The following TBX4 variants were observed in gnomAD, a reference collection of about 807,000 sequenced individuals.
The protein encoded by TBX4 is T-box transcription factor TBX4.
TBX4 carries 13 observed loss-of-function variants against 54.6 expected under a neutral mutation model. The ratio of observed to expected loss-of-function variants is 0.24; its 90% CI spans 0.15 to 0.38. The LOEUF is 0.38. Ranked by LOEUF, TBX4 falls within the 10% of genes least tolerant of loss-of-function variation. The probability of loss-of-function intolerance (pLI) is 1.00; values close to 1 mark genes in which losing one functional copy is unlikely to be tolerated. For missense variants in TBX4, 631 were observed against 728.5 expected (o/e 0.87, Z 1.54); for synonymous variants, 314 against 306.7 (o/e 1.02, Z -0.25).
chr17:61,453,915 T>C (rs1688981357), intron 1 of TBX4, among the ~76,000 whole-genome samples: 1 of 152,182 alleles, frequency 6.6e-6, no homozygotes, highest in South Asian at 2.1e-4. Context: ...CGTGACAAAG[T>C]ATAATCAAAA....
Position 61,461,340 on chromosome 17 carries a change from C to CT in TBX4, c.281+3711dup, listed in dbSNP as rs2060492883. ...TTATTATCTTCAAAATCAGAACTCA[C>CT]TTGGCTACAGAAGGCTTGGTCTCAG... is the stretch of plus-strand genomic sequence containing the variant. On this transcript the variant is annotated intron_variant, in intron 3 of 8. Transcript: ENST00000644296. This position sits in a 1 kb window ranked among gnomAD's most constrained non-coding sequence, Gnocchi z 5.1. Among the ~76,000 whole-genome samples the CT allele has an allele frequency of 6.6e-6, 1 of 152,190 alleles. No homozygotes were observed. Among genetic ancestry groups the CT allele is most frequent in the South Asian group, 2.1e-4 (1 of 4,824 alleles).
At chr17:61,455,898 A>G (rs1412141513) in intron 1 of TBX4, among the ~76,000 whole-genome samples, 1 of 152,088 alleles carries the variant, frequency 6.6e-6, no homozygotes, top group Non-Finnish European at 1.5e-5. Flanking sequence ...GTTGGAGTGA[A>G]AGCCTTTGGT....
rs1213822434 is a variant in TBX4 at position 61,474,839 on chromosome 17, C to T, written c.550-3788C>T. ...TCACTGAGTTGGTTTCACATTCTCC[C>T]GGCTGATGGGACTAAGGCTCAAGTT... On this transcript the variant is annotated intron_variant, in intron 5 of 8. Coordinates refer to ENST00000644296, the MANE Select transcript of TBX4 (RefSeq NM_001321120.2). This position sits in a 1 kb window ranked among gnomAD's most constrained non-coding sequence, Gnocchi z 4.6. 6.6e-6 allele frequency among the ~76,000 whole-genome samples: 1 copy of T among 152,210 alleles called. No homozygotes were observed. The highest frequency in any genetic ancestry group is 6.5e-5 in the Admixed American group (1 of 15,284).
Position 61,480,213 on chromosome 17 carries a change from C to G in TBX4, c.915C>G (p.His305Gln). 6.2e-7 allele frequency: 1 copy of G among 1,614,162 alleles called. No homozygotes were observed. Among genetic ancestry groups the G allele is most frequent in the Non-Finnish European group, 8.5e-7 (1 of 1,180,030 alleles). The stretch of plus-strand genomic sequence containing the variant: ...ACCAGGCACTCCAGCACTACCAGCA[C>G]GAGAACGGGGCACACTCACAGCTCG... ...GTHQALQHYQ[H>Q]ENGAHSQLAE... The change falls in exon 8 of 9, where the codon CAC becomes CAG. Residue 305 changes from histidine to glutamine, a missense_variant. Transcript: ENST00000644296. This position sits in a 1 kb window ranked among gnomAD's most constrained non-coding sequence, Gnocchi z 6.2.
chr17:61,452,744 G>T (rs958841909), intron 1 of TBX4, among the ~76,000 whole-genome samples, 167 bp downstream of exon 1: 2 of 152,240 alleles, frequency 1.3e-5, no homozygotes, highest in Non-Finnish European at 2.9e-5. Context: ...GGAAGGCGGC[G>T]CGAAGTGCCT....
chr17:61,470,448 G>A (rs2060568749), intron 5 of TBX4, among the ~76,000 whole-genome samples: 1 of 152,180 alleles, frequency 6.6e-6, no homozygotes, highest in African/African-American at 2.4e-5. Context: ...TGGCACATGG[G>A]GCCCTGGAAC....
At position 61,483,594 on chromosome 17, in the gene TBX4, A is replaced by G. The variant is rs2060682312; in HGVS notation, c.*78A>G. ...TGTGGGTGGCCTGCACTCTACCAAG[A>G]AACACAGGAAGGTATTCCAGTGTGT... On this transcript the variant is annotated 3_prime_UTR_variant, in exon 9 of 9. Transcript: ENST00000644296. The surrounding 1 kb of genome is among the most constrained non-coding windows in gnomAD (Gnocchi z 6.6). 1.9e-6 allele frequency: 3 copies of G among 1,563,964 alleles called. No homozygotes were observed. The South Asian group carries it at 3.4e-5, about 18-fold the overall frequency.
rs2143851566 is a variant in TBX4, at chr17:61,476,958, A to G, written c.550-1669A>G. Among the ~76,000 whole-genome samples the G allele has an allele frequency of 6.6e-6, 1 of 152,370 alleles. No homozygotes were observed. The highest frequency in any genetic ancestry group is 1.5e-5 in the Non-Finnish European group (1 of 68,038). Reference sequence around the variant, plus strand: ...GTCTTCCCAGACTAAGACTTTGGCCAAGGTTTGCCATAAAAGAGCCTGACT... The same window carrying G: ...GTCTTCCCAGACTAAGACTTTGGCCGAGGTTTGCCATAAAAGAGCCTGACT... On this transcript the variant is annotated intron_variant, in intron 5 of 8. Coordinates refer to ENST00000644296, the MANE Select transcript of TBX4 (RefSeq NM_001321120.2). This position sits in a 1 kb window ranked among gnomAD's most constrained non-coding sequence, Gnocchi z 6.5.
rs1267834989 is a variant in TBX4, at chr17:61,457,680, G to A, written c.281+49G>A. The A allele has an allele frequency of 1.3e-6, 2 of 1,572,236 alleles. No homozygotes were observed. Among genetic ancestry groups the A allele is most frequent in the South Asian group, 2.2e-5 (2 of 89,542 alleles). ...CGGGGATGGCGGTGGGGAGCAAGGG[G>A]GGCCAGGGAGGTCCCTTAGAAGTCC... On this transcript the variant is annotated intron_variant, in intron 3 of 8. Coordinates refer to ENST00000644296, the MANE Select transcript of TBX4 (RefSeq NM_001321120.2). The surrounding 1 kb of genome is among the most constrained non-coding windows in gnomAD (Gnocchi z 8.2).
chr17:61,468,114 G>A (rs897747985), intron 5 of TBX4, among the ~76,000 whole-genome samples: 2 of 152,212 alleles, frequency 1.3e-5, no homozygotes, highest in Admixed American at 6.5e-5. Flanking sequence ...CGAGAGTCAC[G>A]GATATGTTCC....
At position 61,467,587 on chromosome 17, in the gene TBX4, A is replaced by G; in HGVS notation, c.479A>G (p.His160Arg). 6.2e-7 allele frequency: 1 copy of G among 1,614,216 alleles called. No individual in the cohort carries two copies. The highest frequency in any genetic ancestry group is 8.5e-7 in the Non-Finnish European group (1 of 1,180,036). ...VHPDSPATGA[H>R]WMRQLVSFQK... is the part of the protein sequence containing the mutation. The stretch of plus-strand genomic sequence containing the variant: ...CCGGATTCTCCTGCCACAGGAGCCC[A>G]CTGGATGCGGCAGCTGGTCTCCTTC... Residue 160 changes from histidine to arginine, a missense_variant, in exon 5 of 9, where the codon CAC (histidine) becomes CGC (arginine). Physicochemically the swap from His to Arg is conservative, Grantham distance 29. This residue lies in a region of TBX4 where 154 missense variants were observed against 238.6 expected (regional missense o/e 0.65). Transcript: ENST00000644296.
chr17:61,467,694 C>T (rs1603251571), intron 5 of TBX4, 37 bp downstream of exon 5: 1 of 1,613,740 alleles, frequency 6.2e-7, no homozygotes. Context: ...GGAGGCAAGT[C>T]TGGGGCAGTT....
intron 3 of TBX4, among the ~76,000 whole-genome samples, chr17:61,463,979 A>AG (rs908930653): frequency 7.9e-5 from 12 of 152,220 alleles, no homozygotes; most frequent in African/African-American, 2.2e-4. Context: ...CAGGCCCCAT[A>AG]GGGGGGCTGG....
In TBX4 at chr17:61,480,170, G is replaced by T; in HGVS notation, c.872G>T (p.Gly291Val). ...CAGCTCTCAGCCACACCGGACGTGG[G>T]CCCCCTGCTCGGCACCCACCAGGCA... The part of the protein sequence containing the change: ...SPQLSATPDV[G>V]PLLGTHQALQ... The change falls in exon 8 of 9, where the codon GGC becomes GTC. Residue 291 changes from glycine to valine, a missense_variant. Gly to Val is a moderately radical substitution (Grantham distance 109). Transcript: ENST00000644296. This position sits in a 1 kb window ranked among gnomAD's most constrained non-coding sequence, Gnocchi z 6.2. 2 of 1,614,044 alleles carry T rather than the reference G, an allele frequency of 1.2e-6. No individual in the cohort carries two copies. The highest frequency in any genetic ancestry group is 1.7e-6 in the Non-Finnish European group (2 of 1,180,020).
In TBX4 at chr17:61,475,055, G is replaced by A. The variant is rs369097738; in HGVS notation, c.550-3572G>A. Among the ~76,000 whole-genome samples, 6 of 152,220 alleles carry A rather than the reference G, an allele frequency of 3.9e-5. No homozygotes were observed. Among genetic ancestry groups the A allele is most frequent in the African/African-American group, 4.8e-5 (2 of 41,462 alleles). On this transcript the variant is annotated intron_variant, in intron 5 of 8. Coordinates refer to ENST00000644296, the MANE Select transcript of TBX4 (RefSeq NM_001321120.2). This position sits in a 1 kb window ranked among gnomAD's most constrained non-coding sequence, Gnocchi z 5.0. The stretch of plus-strand genomic sequence containing the variant: ...GCTGGTGAACAGAGATCATGACGGC[G>A]TCTGCACCCTTCTTGACTTCTCTAT...
chr17:61,469,927 T>G (rs1016015509), intron 5 of TBX4, among the ~76,000 whole-genome samples: 2 of 152,174 alleles, frequency 1.3e-5, no homozygotes, highest in African/African-American at 2.4e-5. Flanking sequence ...GCACAACCAC[T>G]TCTACGTTTT....
chr17:61,468,530 G>A (rs535044693), intron 5 of TBX4, among the ~76,000 whole-genome samples: 5 of 152,242 alleles, frequency 3.3e-5, no homozygotes, highest in South Asian at 2.1e-4. Flanking sequence ...GGTATGTCCC[G>A]CTTTTACGTC....
At chr17:61,473,671 T>C (rs1408579712) in intron 5 of TBX4, among the ~76,000 whole-genome samples, 1 of 152,256 alleles carries the variant, frequency 6.6e-6, no homozygotes, top group Non-Finnish European at 1.5e-5. Context: ...ATTCTGGCTG[T>C]GCCTGAAATC....
rs753417448 is a variant in TBX4, at chr17:61,483,374, A to G, written c.1499A>G (p.Gln500Arg). ...ASFPRERGLP[Q>R]GCERKPPSPH... is the part of the protein sequence containing the mutation. ...TTCCCAAGAGAGCGCGGCCTCCCCCAAGGGTGTGAGAGGAAGCCACCCTCG... is the reference window on the plus strand; with the variant it reads ...TTCCCAAGAGAGCGCGGCCTCCCCCGAGGGTGTGAGAGGAAGCCACCCTCG... Residue 500 changes from glutamine to arginine, a missense_variant, in exon 9 of 9, where the codon CAA (glutamine) becomes CGA (arginine). Gln to Arg is a conservative substitution (Grantham distance 43). Coordinates refer to ENST00000644296, the MANE Select transcript of TBX4 (RefSeq NM_001321120.2). The surrounding 1 kb of genome is among the most constrained non-coding windows in gnomAD (Gnocchi z 6.6). 22 of 1,610,362 alleles carry G rather than the reference A, an allele frequency of 1.4e-5. No individual in the cohort carries two copies. The highest frequency in any genetic ancestry group is 1.9e-5 in the Non-Finnish European group (22 of 1,177,392).
Sources: allele counts gnomAD v4.1 joint callset (sites outside exome capture counted in the v4.1 genomes callset), GRCh38; gene constraint gnomAD v4.1.1; regional missense constraint gnomAD v4.1.1; non-coding constraint Gnocchi (gnomAD v3.1); transcripts MANE v1.5; gene names NCBI Gene and HGNC (gene_info 2026-07-23, HGNC 2026-07-21).